The following CACNA1C variants were observed in gnomAD, a reference collection of about 807,000 sequenced individuals.
CACNA1C encodes voltage-dependent L-type calcium channel subunit alpha-1C.
Under a neutral mutation model 229.0 loss-of-function variants are expected in CACNA1C, and 30 were observed. The observed-to-expected ratio is 0.13, with a 90% confidence interval of 0.10 to 0.18. CACNA1C has a LOEUF of 0.18. Ranked by LOEUF, CACNA1C falls within the 10% of genes least tolerant of loss-of-function variation. CACNA1C has a pLI of 1.00. For synonymous variants in CACNA1C, 1,114 were observed against 1,132.5 expected, an observed-to-expected ratio of 0.98 and a Z score of 0.33; for missense variants, 1,658 against 2,845.0, an observed-to-expected ratio of 0.58 and a Z score of 9.49.
At chr12:2,385,275 A>G (rs1407548166) in intron 3 of CACNA1C, among the ~76,000 whole-genome samples, 1 of 152,142 alleles carries the variant, frequency 6.6e-6, no homozygotes, top group East Asian at 1.9e-4. Context: ...CGGCCCCCTC[A>G]GATGCACACA....
chr12:2,238,128 A>C (rs2068217772), intron 3 of CACNA1C, among the ~76,000 whole-genome samples: 1 of 152,178 alleles, frequency 6.6e-6, no homozygotes, highest in Non-Finnish European at 1.5e-5. Context: ...TTTGGGAGCA[A>C]GGCTTCTACA....
rs2095842172 is a variant in CACNA1C at position 2,319,156 on chromosome 12, G to A, written c.478-129820G>A. ...ATCACCTACCTGTCACCTGTCCTGGGCAGGCAGGGGTCCCCACATATCACT... is the reference window on the plus strand; with the variant it reads ...ATCACCTACCTGTCACCTGTCCTGGACAGGCAGGGGTCCCCACATATCACT... On this transcript the variant is annotated intron_variant, in intron 3 of 46. Coordinates refer to ENST00000399655, the MANE Select transcript of CACNA1C (RefSeq NM_000719.7). This position sits in a 1 kb window ranked among gnomAD's most constrained non-coding sequence, Gnocchi z 4.0. Among the ~76,000 whole-genome samples, 1 of 152,034 alleles carries A rather than the reference G, an allele frequency of 6.6e-6. No homozygotes were observed. Among genetic ancestry groups the A allele is most frequent in the South Asian group, 2.1e-4 (1 of 4,824 alleles).
chr12:2,173,350 G>A (rs966643109), intron 3 of CACNA1C, among the ~76,000 whole-genome samples: 2 of 152,134 alleles, frequency 1.3e-5, no homozygotes, highest in Non-Finnish European at 2.9e-5. Context: ...TTTATTCAAC[G>A]GGTATTAATT....
At chr12:2,409,358 T>C (rs1335888523) in intron 3 of CACNA1C, among the ~76,000 whole-genome samples, 2 of 151,974 alleles carry the variant, frequency 1.3e-5, no homozygotes, top group African/African-American at 4.8e-5. Flanking sequence ...AGATCATCCC[T>C]AGGGACCCAT....
At position 2,470,351 on chromosome 12, in the gene CACNA1C, G is replaced by A. The variant is rs1164449282; in HGVS notation, c.757+12645G>A. ...AAGGTGATGACTGATTAAAAATAAT[G>A]GCAATAATAAAGGCCACTTAGGCTT... On this transcript the variant is annotated intron_variant, in intron 5 of 46. Transcript: ENST00000399655. Among the ~76,000 whole-genome samples, 3 of 152,040 alleles carry A rather than the reference G, an allele frequency of 2.0e-5. No individual in the cohort carries two copies. In the East Asian group the frequency reaches 5.8e-4, roughly 29 times the overall value.
At chr12:2,684,093 G>C (rs1256870278) in intron 43 of CACNA1C, among the ~76,000 whole-genome samples, 1 of 152,194 alleles carries the variant, frequency 6.6e-6, no homozygotes, top group African/African-American at 2.4e-5. Flanking sequence ...TGAGGAGTGT[G>C]GGGAGAATGG....
intron 3 of CACNA1C, among the ~76,000 whole-genome samples, chr12:2,227,369 A>C (rs1043252415): frequency 6.6e-6 from 1 of 152,226 alleles, no homozygotes; most frequent in East Asian, 1.9e-4. Flanking sequence ...CTCTGTGATC[A>C]GAGGGACTTG....
chr12:2,599,736 G>A (rs1312648868), intron 21 of CACNA1C, among the ~76,000 whole-genome samples: 2 of 152,170 alleles, frequency 1.3e-5, no homozygotes, highest in African/African-American at 4.8e-5. Flanking sequence ...AAGGGTCAAA[G>A]AGGAACAATT....
intron 7 of CACNA1C, among the ~76,000 whole-genome samples, chr12:2,496,535 A>G (rs1414413669): frequency 6.6e-6 from 1 of 152,268 alleles, no homozygotes; most frequent in Non-Finnish European, 1.5e-5. Context: ...GGCACCTAGC[A>G]GATGGCAGCA....
At chr12:2,072,498 C>G (rs2061730440) in intron 1 of CACNA1C, among the ~76,000 whole-genome samples, 1 of 152,178 alleles carries the variant, frequency 6.6e-6, no homozygotes, top group East Asian at 1.9e-4. Flanking sequence ...CTGCACCCAG[C>G]CTGACAAGAT....
At position 2,493,436 on chromosome 12, in the gene CACNA1C, A is replaced by G; in HGVS notation, c.1113+50A>G. Reference sequence around the variant, plus strand: ...GAGGGTGGGGGAACAGCGGCCGTGAACCCTTCCCTGACACCTCCCTTTCTC... The same window carrying G: ...GAGGGTGGGGGAACAGCGGCCGTGAGCCCTTCCCTGACACCTCCCTTTCTC... On this transcript the variant is annotated intron_variant, in intron 7 of 46. Coordinates refer to ENST00000399655, the MANE Select transcript of CACNA1C (RefSeq NM_000719.7). The surrounding 1 kb of genome is among the most constrained non-coding windows in gnomAD (Gnocchi z 4.6). 7.0e-7 allele frequency: 1 copy of G among 1,426,322 alleles called. No homozygotes were observed. Among genetic ancestry groups the G allele is most frequent in the Non-Finnish European group, 9.9e-7 (1 of 1,012,936 alleles). The allele number at this position is 1,426,322 out of a possible 1,614,324, so 88.4% of individuals were successfully genotyped here.
At chr12:2,022,773 C>T (rs751608395) in intron 1 of CACNA1C, among the ~76,000 whole-genome samples, 4 of 152,106 alleles carry the variant, frequency 2.6e-5, no homozygotes, top group Admixed American at 1.3e-4. Context: ...CATTAGCCTA[C>T]GGTAAAATGG....
At chr12:2,013,527 G>T (rs758485068) in intron 1 of CACNA1C, among the ~76,000 whole-genome samples, 4 of 152,136 alleles carry the variant, frequency 2.6e-5, no homozygotes, top group Non-Finnish European at 5.9e-5. Flanking sequence ...CCATTGCCAG[G>T]CCCCTGATTT....
In CACNA1C at chr12:2,310,285, C is replaced by G. The variant is rs377672109; in HGVS notation, c.478-138691C>G. 1.1e-4 allele frequency among the ~76,000 whole-genome samples: 16 copies of G among 151,796 alleles called. No individual in the cohort carries two copies. In the South Asian group the frequency reaches 3.3e-3, roughly 32 times the overall value. On this transcript the variant is annotated intron_variant, in intron 3 of 46. Transcript: ENST00000399655. The stretch of plus-strand genomic sequence containing the variant: ...TCCAGGGCCTACATTCTATTCCCTT[C>G]AGTTCCCTCAACAGGAAAGATGGGG...
chr12:2,120,250 T>C (rs761064499), intron 2 of CACNA1C, 75 bp from the exon 3 acceptor site: 22 of 827,738 alleles, frequency 2.7e-5, no homozygotes, highest in African/African-American at 5.1e-5. Flanking sequence ...TTTGATTCAT[T>C]TTAAAAAATA....
chr12:2,444,273 G>A (rs1161296336), intron 3 of CACNA1C, among the ~76,000 whole-genome samples: 3 of 152,204 alleles, frequency 2.0e-5, no homozygotes, highest in Non-Finnish European at 2.9e-5. Context: ...CCTGGCTTGA[G>A]TATCTTGTCA....
chr12:2,680,918 A>G (rs1378443017), intron 42 of CACNA1C, among the ~76,000 whole-genome samples: 2 of 152,098 alleles, frequency 1.3e-5, no homozygotes, highest in African/African-American at 4.8e-5. Context: ...TGGGCACTGG[A>G]TTTTATGTGC....
rs984572383 is a variant in CACNA1C at position 2,148,069 on chromosome 12, T to A, written c.477+27639T>A. Among the ~76,000 whole-genome samples the A allele has an allele frequency of 2.6e-5, 4 of 151,230 alleles. 1 individual carries two copies. The South Asian group carries it at 8.4e-4, about 32-fold the overall frequency. On this transcript the variant is annotated intron_variant, in intron 3 of 46. Transcript: ENST00000399655. ...TAAAACCTGTCAAATTTTTCAAAAA[T>A]TTTTGAAAGGATTAGCATTATAAAG...
chr12:2,519,308 G>C (rs551108073), intron 9 of CACNA1C, among the ~76,000 whole-genome samples: 1 of 152,196 alleles, frequency 6.6e-6, no homozygotes, highest in Non-Finnish European at 1.5e-5. Context: ...ACGCAAACGC[G>C]AGTGCATGCC....
Sources: gnomAD v4.1 joint callset for allele counts (sites outside exome capture counted in the v4.1 genomes callset) on GRCh38, gnomAD v4.1.1 for gene constraint, Gnocchi (gnomAD v3.1) non-coding constraint, MANE v1.5 for transcripts, NCBI Gene and HGNC (gene_info 2026-07-23, HGNC 2026-07-21) for gene names.